Variants in MSH6 observed in about 807,000 individuals in gnomAD.
MSH6 encodes the protein DNA mismatch repair protein Msh6.
A neutral mutation model predicts 119.1 loss-of-function variants in MSH6; 85 were observed. The observed-to-expected ratio is 0.71, with a 90% CI of 0.60 to 0.85. MSH6 has a LOEUF of 0.85. MSH6 is among the 40% of genes least tolerant of loss of function. The pLI is 0.00. For missense variants in MSH6, 2,163 were observed against 1,655.3 expected (o/e 1.31, Z -5.32); for synonymous variants, 830 against 586.9 (o/e 1.41, Z -5.99).
At chr2:47,807,662 CAT>C (rs1168734351), downstream of MSH6, 7 of 166,300 alleles carry the variant, frequency 4.2e-5, no homozygotes, top group Non-Finnish European at 6.9e-5. Flanking sequence ...AATCTGAATA[CAT>C]GTTAAAAAAA....
At position 47,791,017 on chromosome 2, in the gene MSH6, A is replaced by C; in HGVS notation, c.351A>C (p.Gly117=). The change falls in exon 2 of 10, where the codon GGA becomes GGC. Residue 117 remains glycine (G), a synonymous_variant. Transcript: ENST00000234420. ...PCLVYNHPFD[G]TFIREKGKSV... The stretch of plus-strand genomic sequence containing the variant: ...TGGTTTACAACCACCCCTTTGATGG[A>C]ACATTCATCCGCGAGAAAGGGAAAT... The C allele has an allele frequency of 1.2e-6, 2 of 1,614,228 alleles. No individual in the cohort carries two copies. Among genetic ancestry groups the C allele is most frequent in the Non-Finnish European group, 8.5e-7 (1 of 1,180,040 alleles).
At chr2:47,808,748 T>C (rs924027071), downstream of MSH6, 6 of 303,630 alleles carry the variant, frequency 2.0e-5, no homozygotes, top group African/African-American at 1.3e-4. Context: ...GACTGGGATA[T>C]ATCAAACACT....
chr2:47,801,358 TC>T, intron 4 of MSH6: 1 of 394,544 alleles, frequency 2.5e-6, no homozygotes, highest in Non-Finnish European at 4.4e-6. Context: ...TGGCCTTTCT[TC>T]AGTTTTTTTT....
At chr2:47,793,772 C>T (rs1159610683) in intron 2 of MSH6, among the ~76,000 whole-genome samples, 2 of 151,498 alleles carry the variant, frequency 1.3e-5, no homozygotes, top group Admixed American at 6.6e-5. Flanking sequence ...GCTTTATCAC[C>T]CAGGCTGGAG....
chr2:47,801,140 T>G lies in MSH6; in HGVS notation c.3157T>G (p.Cys1053Gly). 2 of 1,610,740 alleles carry G rather than the reference T, an allele frequency of 1.2e-6. No homozygotes were observed. Among genetic ancestry groups the G allele is most frequent in the Non-Finnish European group, 1.7e-6 (2 of 1,179,982 alleles). Residue 1053 changes from cysteine (C) to glycine (G), a missense_variant, in exon 4 of 10, where the codon TGT becomes GGT. Cys to Gly is a radical substitution (Grantham distance 159). Transcript: ENST00000234420. Reference protein sequence around the residue: ...NYKDWQSAVECIAVLDVLLCL... With the variant: ...NYKDWQSAVEGIAVLDVLLCL... ...CAAGGACTGGCAGTCTGCTGTAGAGTGTATCGCAGTGTTGGGTAAGACTTT... is the reference window on the plus strand; with the variant it reads ...CAAGGACTGGCAGTCTGCTGTAGAGGGTATCGCAGTGTTGGGTAAGACTTT...
Position 47,799,582 on chromosome 2 carries a change from G to C in MSH6, c.1599G>C (p.Glu533Asp), listed in dbSNP as rs373726731. 5.0e-6 allele frequency: 8 copies of C among 1,614,042 alleles called. No individual in the cohort carries two copies. Among genetic ancestry groups the C allele is most frequent in the Non-Finnish European group, 6.8e-6 (8 of 1,180,046 alleles). ...TYSVLEGDPS[E>D]NYSKYLLSLK... is the part of the protein sequence containing the mutation. ...GTGTGCTGGAAGGTGATCCCTCTGA[G>C]AACTACAGTAAGTATCTTCTTAGCC... Residue 533 changes from glutamate to aspartate, a missense_variant, in exon 4 of 10, where the codon GAG (glutamate) becomes GAC (aspartate). Physicochemically the swap from Glu to Asp is conservative, Grantham distance 45 (BLOSUM62 2). Transcript: ENST00000234420.
rs1114167763 is a variant in MSH6, at chr2:47,798,935, G to A, written c.952G>A (p.Glu318Lys). ...TCTTAAAAGGAAAAGCTCTAGGAAG[G>A]AAACGCCCTCAGCCACCAAACAAGC... ...GSLKRKSSRK[E>K]TPSATKQATS... Residue 318 changes from glutamate to lysine, a missense_variant, in exon 4 of 10, where the codon GAA becomes AAA. Glu to Lys is a moderately conservative substitution (Grantham distance 56). Transcript: ENST00000234420. 1 of 1,614,154 alleles carries A rather than the reference G, an allele frequency of 6.2e-7. No individual in the cohort carries two copies. Among genetic ancestry groups the A allele is most frequent in the Non-Finnish European group, 8.5e-7 (1 of 1,180,026 alleles).
At chr2:47,802,834 T>TTTTCATATCAGTGTGC (rs1400242046) in intron 4 of MSH6, among the ~76,000 whole-genome samples, 1 of 152,160 alleles carries the variant, frequency 6.6e-6, no homozygotes, top group Non-Finnish European at 1.5e-5. Context: ...TCAGAGATTG[T>TTTTCATATCAGTGTGC]TTTCATATCA....
At chr2:47,790,675 T>C (rs1470290554) in intron 1 of MSH6, among the ~76,000 whole-genome samples, 2 of 152,062 alleles carry the variant, frequency 1.3e-5, no homozygotes, top group African/African-American at 4.8e-5. Context: ...TTTTAAACTT[T>C]GATTCTGAGA....
chr2:47,803,390 A>C (rs770121194), intron 4 of MSH6, 30 bp from the exon 5 acceptor site: 1 of 1,614,086 alleles, frequency 6.2e-7, no homozygotes, highest in South Asian at 1.1e-5. Context: ...CCAAACGATG[A>C]AGCCTCACTT....
At position 47,802,790 on chromosome 2, in the gene MSH6, T is replaced by C. The variant is rs149712952; in HGVS notation, c.3173-630T>C. Among the ~76,000 whole-genome samples, 25 of 152,278 alleles carry C rather than the reference T, an allele frequency of 1.6e-4. No homozygotes were observed. The East Asian group carries it at 4.8e-3, about 29-fold the overall frequency. On this transcript the variant is annotated intron_variant, in intron 4 of 9. Transcript: ENST00000234420. ...CATTTGGTTACTGGGTAATTTAAAATTCTTCCTCAGCACAGGTGTTCAAAA... is the reference window on the plus strand; with the variant it reads ...CATTTGGTTACTGGGTAATTTAAAACTCTTCCTCAGCACAGGTGTTCAAAA...
Position 47,800,991 on chromosome 2 carries a change from G to C in MSH6, c.3008G>C (p.Cys1003Ser), listed in dbSNP as rs1558667696. ...GAGTTGAAATCTACCAAGAAGGGCT[G>C]TAAACGATACTGGACCAAAACTATT... ...EYELKSTKKG[C>S]KRYWTKTIEK... is the part of the protein sequence containing the mutation. The change falls in exon 4 of 10, where the codon TGT becomes TCT. Residue 1003 changes from cysteine to serine, a missense_variant. Physicochemically the swap from Cys to Ser is moderately radical, Grantham distance 112. Coordinates refer to ENST00000234420, the MANE Select transcript of MSH6 (RefSeq NM_000179.3). 4 of 1,562,902 alleles carry C rather than the reference G, an allele frequency of 2.6e-6. No homozygotes were observed. Among genetic ancestry groups the C allele is most frequent in the Non-Finnish European group, 3.5e-6 (4 of 1,156,898 alleles).
rs2104112957 is a variant in MSH6, at chr2:47,791,124, G to C, written c.457+1G>C. 1 of 1,613,528 alleles carries C rather than the reference G, an allele frequency of 6.2e-7. No homozygotes were observed. The highest frequency in any genetic ancestry group is 8.5e-7 in the Non-Finnish European group (1 of 1,179,544). On this transcript the variant is annotated splice_donor_variant, in intron 2 of 9. Coordinates refer to ENST00000234420, the MANE Select transcript of MSH6 (RefSeq NM_000179.3). LOFTEE classifies it high-confidence loss of function. The stretch of plus-strand genomic sequence containing the variant: ...AAAAGGCTTTTAAAGCCATATACAG[G>C]TAAGAGTCACTACTGCCATGTGTGT...
chr2:47,790,015 T>A (rs1347624247), intron 1 of MSH6, among the ~76,000 whole-genome samples: 1 of 152,178 alleles, frequency 6.6e-6, no homozygotes, highest in Non-Finnish European at 1.5e-5. Flanking sequence ...AATTTTTGAT[T>A]TAAAATTTTT....
At chr2:47,790,795 T>G in intron 1 of MSH6, 132 bp from the exon 2 acceptor site, 12 of 824,064 alleles carry the variant, frequency 1.5e-5, no homozygotes, top group Non-Finnish European at 4.0e-6. Flanking sequence ...TATCTGACTT[T>G]AAAAATTATT....
chr2:47,810,100 G>A (rs956544109), downstream of MSH6: 7 of 512,788 alleles, frequency 1.4e-5, no homozygotes, highest in African/African-American at 9.9e-5. Context: ...TCATAATCAC[G>A]ACTAAGCAAT....
At position 47,799,784 on chromosome 2, in the gene MSH6, C is replaced by T. The variant is rs1553413197; in HGVS notation, c.1801C>T (p.Leu601Phe). The T allele has an allele frequency of 6.2e-7, 1 of 1,614,186 alleles. No individual in the cohort carries two copies. ...PVQVLFEKGNLSKETKTILKS... is the reference protein window; with the variant it reads ...PVQVLFEKGNFSKETKTILKS... ...ACAAGTTTTATTTGAAAAAGGAAAT[C>T]TCTCAAAGGAAACTAAAACAATTCT... Residue 601 changes from leucine (L) to phenylalanine (F), a missense_variant, in exon 4 of 10, where the codon CTC becomes TTC. By Grantham distance (22) the Leu-to-Phe change is conservative (BLOSUM62 0). Coordinates refer to ENST00000234420, the MANE Select transcript of MSH6 (RefSeq NM_000179.3).
downstream of MSH6, chr2:47,809,890 T>C (rs571230092): frequency 1.3e-4 from 70 of 541,652 alleles, no homozygotes; most frequent in African/African-American, 8.9e-4. Flanking sequence ...TCAATGACTA[T>C]GGTCAAAACT....
chr2:47,783,607 C>G lies in MSH6; in HGVS notation c.260+114C>G, dbSNP rs988645877. 2.7e-6 allele frequency: 3 copies of G among 1,097,526 alleles called. No individual in the cohort carries two copies. In the African/African-American group the frequency reaches 5.0e-5, roughly 18 times the overall value. 68.0% of individuals were successfully genotyped at this position (1,097,526 alleles called of 1,614,324 possible). ...GGGGTGCACGGCCTGGCCCTGGGCTCGGAGGAGGCGGGGCCGCAGAGTTGG... is the reference window on the plus strand; with the variant it reads ...GGGGTGCACGGCCTGGCCCTGGGCTGGGAGGAGGCGGGGCCGCAGAGTTGG... On this transcript the variant is annotated intron_variant, in intron 1 of 9. Transcript: ENST00000234420.
Sources: gnomAD v4.1 joint callset for allele counts (sites outside exome capture counted in the v4.1 genomes callset) on GRCh38, gnomAD v4.1.1 for gene constraint, MANE v1.5 for transcripts, NCBI Gene and HGNC (gene_info 2026-07-23, HGNC 2026-07-21) for gene names.